Variants in THAP4 observed in about 807,000 individuals in gnomAD.
THAP4 encodes THAP domain containing 4.
Under a neutral mutation model 48.1 loss-of-function variants are expected in THAP4, and 18 were observed. The ratio of observed to expected loss-of-function variants is 0.37; its 90% CI spans 0.26 to 0.56. The LOEUF is 0.56. THAP4 is among the 20% of genes least tolerant of loss of function. The pLI, the probability that THAP4 is intolerant of heterozygous loss-of-function variation, is 0.78. For missense variants in THAP4, 656 were observed against 774.9 expected, an observed-to-expected ratio of 0.85 and a Z score of 1.82; for synonymous variants, 345 against 324.9, an observed-to-expected ratio of 1.06 and a Z score of -0.66.
intron 2 of THAP4, among the ~76,000 whole-genome samples, chr2:241,609,879 G>C (rs984352569): frequency 6.6e-6 from 1 of 152,246 alleles, no homozygotes; most frequent in East Asian, 1.9e-4. Flanking sequence ...ACTGCCACGG[G>C]GCTCTGGCTC....
intron 5 of THAP4, among the ~76,000 whole-genome samples, chr2:241,589,422 C>T (rs940769664): frequency 1.3e-5 from 2 of 152,034 alleles, no homozygotes; most frequent in Admixed American, 1.3e-4. Flanking sequence ...AACAAATGGG[C>T]AAAAAATCTG....
At chr2:241,600,727 C>CAAA (rs35546566) in intron 5 of THAP4, among the ~76,000 whole-genome samples, 17,631 of 88,272 alleles carry the variant, frequency 0.2, 1,414 homozygotes, top group African/African-American at 0.27. Context: ...GACTCCGTCT[C>CAAA]AAAAAAAAAA....
chr2:241,585,210 C>T (rs1049858576), intron 5 of THAP4: 1 of 153,960 alleles, frequency 6.5e-6, no homozygotes, highest in Non-Finnish European at 1.4e-5. Flanking sequence ...ATCTTTGGAA[C>T]AGTAATTCAT....
chr2:241,627,193 A>C (rs1005697534), intron 2 of THAP4, among the ~76,000 whole-genome samples: 2 of 152,212 alleles, frequency 1.3e-5, no homozygotes, highest in Non-Finnish European at 2.9e-5. Flanking sequence ...TGCTACAAAT[A>C]GGGTCCATAG....
rs2067107606 is a variant in THAP4, at chr2:241,601,103, A to G, written c.1614+793T>C. Among the ~76,000 whole-genome samples, 1 of 152,144 alleles carries G rather than the reference A, an allele frequency of 6.6e-6. No individual in the cohort carries two copies. The highest frequency in any genetic ancestry group is 6.5e-5 in the Admixed American group (1 of 15,280). On this transcript the variant is annotated intron_variant, in intron 5 of 5. Transcript: ENST00000407315. This position sits in a 1 kb window ranked among gnomAD's most constrained non-coding sequence, Gnocchi z 4.0. ...AGACCAGCCTGACCAACATGGAGAAACCCTGTCTCTACTAATAATACAAAA... is the reference window on the plus strand; with the variant it reads ...AGACCAGCCTGACCAACATGGAGAAGCCCTGTCTCTACTAATAATACAAAA...
chr2:241,594,587 CA>C, intron 5 of THAP4: 2 of 359,324 alleles, frequency 5.6e-6, no homozygotes, highest in Non-Finnish European at 5.5e-6. Context: ...CAAAACAAAA[CA>C]AAACAACAAC....
intron 5 of THAP4, among the ~76,000 whole-genome samples, chr2:241,593,964 T>C (rs34031668): frequency 0.33 from 50,794 of 152,096 alleles, 8,871 homozygotes; most frequent in South Asian, 0.46. Flanking sequence ...GGATTACACG[T>C]GTGAGCCACC....
intron 5 of THAP4, among the ~76,000 whole-genome samples, chr2:241,588,826 A>C (rs2066922161): frequency 6.6e-6 from 1 of 152,236 alleles, no homozygotes; most frequent in South Asian, 2.1e-4. Context: ...AAGAAAATGC[A>C]GGTGAAAATC....
chr2:241,584,480 A>G lies in THAP4; in HGVS notation c.*126T>C, dbSNP rs2066866527. 3.0e-6 allele frequency: 3 copies of G among 1,013,204 alleles called. No homozygotes were observed. The highest frequency in any genetic ancestry group is 4.5e-6 in the Non-Finnish European group (3 of 671,414). 62.8% of individuals were successfully genotyped at this position (1,013,204 alleles called of 1,614,324 possible). On this transcript the variant is annotated 3_prime_UTR_variant, in exon 6 of 6. Coordinates refer to ENST00000407315, the MANE Select transcript of THAP4 (RefSeq NM_015963.6). ...TCTATGCCAGTACAGAAACATCTGG[A>G]CAACACTCTTGAGCCTGCAGAGGCT... is the stretch of plus-strand genomic sequence containing the variant.
At chr2:241,625,597 C>A (rs2125094708) in intron 2 of THAP4, among the ~76,000 whole-genome samples, 1 of 150,794 alleles carries the variant, frequency 6.6e-6, no homozygotes. Flanking sequence ...GAGATCGAGA[C>A]CATCCATGGC....
At chr2:241,585,539 A>G (rs539384314) in intron 5 of THAP4, among the ~76,000 whole-genome samples, 16 of 152,304 alleles carry the variant, frequency 1.1e-4, no homozygotes, top group African/African-American at 3.1e-4. Flanking sequence ...AGAACCACCA[A>G]GTCAGCGAGG....
chr2:241,624,055 TCA>T (rs898676632), intron 2 of THAP4, among the ~76,000 whole-genome samples: 5 of 152,184 alleles, frequency 3.3e-5, no homozygotes, highest in Admixed American at 3.3e-4. Flanking sequence ...CCCAGGTTAC[TCA>T]CAGCCTCTGC....
At chr2:241,602,045 CAG>C (rs1368653317) in intron 4 of THAP4, 46 bp from the exon 5 acceptor site, 1 of 1,584,820 alleles carries the variant, frequency 6.3e-7, no homozygotes, top group Admixed American at 1.7e-5. Flanking sequence ...GCTCGGCTTG[CAG>C]AGAGGCAGCC....
chr2:241,591,942 C>A (rs988278319), intron 5 of THAP4: 2 of 152,150 alleles, frequency 1.3e-5, no homozygotes, highest in African/African-American at 4.8e-5. Flanking sequence ...AATCACAGAC[C>A]GAAAAAGCTA....
Position 241,584,418 on chromosome 2 carries a change from C to T in THAP4, c.*188G>A. The T allele has an allele frequency of 1.7e-6, 1 of 598,572 alleles. No individual in the cohort carries two copies. The highest frequency in any genetic ancestry group is 2.9e-6 in the Non-Finnish European group (1 of 340,176). The allele number at this position is 598,572 out of a possible 1,614,324, so 37.1% of individuals were successfully genotyped here. A position where few individuals can be genotyped will look rare whatever the true frequency, so the allele number is the denominator to read the frequency against. On this transcript the variant is annotated 3_prime_UTR_variant, in exon 6 of 6. Coordinates refer to ENST00000407315, the MANE Select transcript of THAP4 (RefSeq NM_015963.6). ...CTACGCAAGTGATAATATTCAAAAT[C>T]CTCAGCCATAAAAATAAAGGCCTTT...
At chr2:241,626,330 A>C (rs1415803432) in intron 2 of THAP4, among the ~76,000 whole-genome samples, 3 of 151,992 alleles carry the variant, frequency 2.0e-5, no homozygotes, top group African/African-American at 7.2e-5. Flanking sequence ...AATCCCAGCT[A>C]CTTGGGAGGC....
chr2:241,613,927 G>A (rs2067308208), intron 2 of THAP4, among the ~76,000 whole-genome samples: 1 of 152,080 alleles, frequency 6.6e-6, no homozygotes. Flanking sequence ...CGAGGTGGGT[G>A]GATTGCTTGA....
chr2:241,623,811 C>T (rs555819298), intron 2 of THAP4, among the ~76,000 whole-genome samples: 12 of 152,270 alleles, frequency 7.9e-5, no homozygotes, highest in African/African-American at 2.6e-4. Flanking sequence ...ATAATCTGAA[C>T]AGGCCTATAT....
chr2:241,606,470 G>C lies in THAP4; in HGVS notation c.1244C>G (p.Pro415Arg). ...PSSLLSPSRE[P>R]PKMNPVVEPL... ...CTCCACCACTGGGTTCATCTTGGGGGGCTCTGAGGACAAAAGAATGAGACT... is the reference window on the plus strand; with the variant it reads ...CTCCACCACTGGGTTCATCTTGGGGCGCTCTGAGGACAAAAGAATGAGACT... Residue 415 changes from proline (P) to arginine (R), a missense_variant, in exon 3 of 6, where the codon CCC (proline) becomes CGC (arginine). Around this residue, in one of 4 missense-constraint regions of THAP4, gnomAD observed 176 missense variants for 256.7 expected, o/e 0.69. Coordinates refer to ENST00000407315, the MANE Select transcript of THAP4 (RefSeq NM_015963.6). 3 of 1,600,796 alleles carry C rather than the reference G, an allele frequency of 1.9e-6. No individual in the cohort carries two copies. The East Asian group carries it at 6.8e-5, about 36-fold the overall frequency.
Sources: gnomAD v4.1 joint callset for allele counts (sites outside exome capture counted in the v4.1 genomes callset) on GRCh38, gnomAD v4.1.1 for gene constraint, gnomAD v4.1.1 regional missense constraint, Gnocchi (gnomAD v3.1) non-coding constraint, MANE v1.5 for transcripts, NCBI Gene and HGNC (gene_info 2026-07-23, HGNC 2026-07-21) for gene names.